Variants in ATP10A observed in about 807,000 individuals in gnomAD.
ATP10A encodes phospholipid-transporting ATPase VA.
ATP10A carries 111 observed loss-of-function variants against 147.8 expected under a neutral mutation model. That is an observed-to-expected ratio of 0.75 (90% confidence interval 0.64 to 0.88). The LOEUF (loss-of-function observed/expected upper bound fraction) is 0.88. Among genes scored for constraint, ATP10A ranks in the 40% least tolerant of loss-of-function variants. The pLI, the probability that ATP10A is intolerant of heterozygous loss-of-function variation, is 0.00. For missense variants in ATP10A, 1,927 were observed against 1,959.0 expected, an observed-to-expected ratio of 0.98 and a Z score of 0.31; for synonymous variants, 875 against 841.6, an observed-to-expected ratio of 1.04 and a Z score of -0.69.
intron 17 of ATP10A, 29 bp downstream of exon 17, chr15:25,683,257 T>C: frequency 6.2e-7 from 1 of 1,606,168 alleles, no homozygotes; most frequent in Non-Finnish European, 8.5e-7. Flanking sequence ...GCTCAGGAGG[T>C]GGAAGGCGGA....
chr15:25,838,330 G>A (rs911046452), intron 1 of ATP10A, among the ~76,000 whole-genome samples: 4 of 152,152 alleles, frequency 2.6e-5, no homozygotes, highest in East Asian at 3.9e-4. Context: ...CACCTGGCAC[G>A]CTAGGTGTCT....
chr15:25,718,167 G>T lies in ATP10A; in HGVS notation c.1581+15C>A. ...AGACGTGGCAGCACCCTAGCAGGAG[G>T]CCCTGTACACTCACCATGGGGCTGC... On this transcript the variant is annotated intron_variant, in intron 8 of 20. Coordinates refer to ENST00000555815, the MANE Select transcript of ATP10A (RefSeq NM_024490.4). 4 of 1,609,744 alleles carry T rather than the reference G, an allele frequency of 2.5e-6. No individual in the cohort carries two copies. Among genetic ancestry groups the T allele is most frequent in the Admixed American group, 3.3e-5 (2 of 59,948 alleles).
chr15:25,757,732 C>A (rs1474684322), intron 2 of ATP10A, among the ~76,000 whole-genome samples: 5 of 152,176 alleles, frequency 3.3e-5, no homozygotes, highest in Admixed American at 1.3e-4. Context: ...TTCTAAATTT[C>A]TTTTCAAAGA....
intron 2 of ATP10A, among the ~76,000 whole-genome samples, chr15:25,770,415 G>T (rs1268413420): frequency 6.6e-6 from 1 of 152,176 alleles, no homozygotes; most frequent in Non-Finnish European, 1.5e-5. Flanking sequence ...ACCCCAGCAG[G>T]CCAAGGGGCT....
chr15:25,785,464 T>C (rs1436263168), intron 1 of ATP10A, among the ~76,000 whole-genome samples: 1 of 152,134 alleles, frequency 6.6e-6, no homozygotes, highest in Non-Finnish European at 1.5e-5. Flanking sequence ...AGTCACCCCA[T>C]CTGTGGTCCA....
intron 1 of ATP10A, among the ~76,000 whole-genome samples, chr15:25,855,238 C>G (rs141446247): frequency 6.6e-6 from 1 of 152,228 alleles, no homozygotes; most frequent in Non-Finnish European, 1.5e-5. Context: ...CCAACACATT[C>G]TAGTCAATGG....
At chr15:25,819,963 T>A (rs1891811213) in intron 1 of ATP10A, among the ~76,000 whole-genome samples, 1 of 152,110 alleles carries the variant, frequency 6.6e-6, no homozygotes, top group African/African-American at 2.4e-5. Context: ...AGAAGTTACT[T>A]AATGTGCATT....
chr15:25,695,257 T>G, intron 13 of ATP10A, 111 bp from the exon 14 acceptor site: 741 of 900,672 alleles, frequency 8.2e-4, no homozygotes, highest in Non-Finnish European at 1.1e-3. Context: ...CAGGCTGCAG[T>G]ACCCGCCTGC....
rs2140707856 is a variant in ATP10A, at chr15:25,781,198, A to G, written c.475T>C (p.Phe159Leu). 1 of 1,614,050 alleles carries G rather than the reference A, an allele frequency of 6.2e-7. No homozygotes were observed. Among genetic ancestry groups the G allele is most frequent in the Middle Eastern group, 1.6e-4 (1 of 6,062 alleles). ...SREEKKYVNR[F>L]WKEIHVGDFV... ...TCTCCCACGTGGATTTCTTTCCAGA[A>G]TCGGTTCACGTATTTCTTTTCTTCC... Residue 159 changes from phenylalanine to leucine, a missense_variant, in exon 2 of 21, where the codon TTC becomes CTC. Transcript: ENST00000555815.
intron 1 of ATP10A, among the ~76,000 whole-genome samples, chr15:25,802,352 C>T (rs943778391): frequency 3.9e-5 from 6 of 152,144 alleles, no homozygotes; most frequent in Non-Finnish European, 5.9e-5. Flanking sequence ...TGTTGATAAA[C>T]GTCCAGCAGG....
intron 1 of ATP10A, among the ~76,000 whole-genome samples, chr15:25,806,118 A>G (rs1891167460): frequency 6.6e-6 from 1 of 152,124 alleles, no homozygotes; most frequent in Non-Finnish European, 1.5e-5. Flanking sequence ...GTTTTTTTCT[A>G]ACAAAAGTTA....
intron 1 of ATP10A, among the ~76,000 whole-genome samples, chr15:25,859,616 G>A (rs527554512): frequency 7.9e-5 from 12 of 152,032 alleles, no homozygotes; most frequent in East Asian, 3.9e-4. Flanking sequence ...CCTGCTGAGC[G>A]TGGCTCAAGA....
intron 2 of ATP10A, among the ~76,000 whole-genome samples, chr15:25,753,693 G>A (rs369301579): frequency 8.6e-5 from 13 of 150,580 alleles, no homozygotes; most frequent in African/African-American, 3.2e-4. Flanking sequence ...CCCCACCTGT[G>A]GCTAGCATAA....
intron 9 of ATP10A, among the ~76,000 whole-genome samples, chr15:25,715,836 C>A (rs1901763594): frequency 6.6e-6 from 1 of 152,176 alleles, no homozygotes. Context: ...GGGAAGGGAT[C>A]CTGGGAGAGT....
intron 1 of ATP10A, among the ~76,000 whole-genome samples, chr15:25,801,180 G>A (rs1278468029): frequency 6.6e-6 from 1 of 152,130 alleles, no homozygotes; most frequent in African/African-American, 2.4e-5. Flanking sequence ...TGGAATTTGA[G>A]GACATGTGCT....
chr15:25,823,551 A>G (rs1219369033), intron 1 of ATP10A, among the ~76,000 whole-genome samples: 1 of 152,210 alleles, frequency 6.6e-6, no homozygotes, highest in Non-Finnish European at 1.5e-5. Context: ...TGTATTTCAA[A>G]TGCTAAGATT....
At chr15:25,768,369 C>T (rs1347673574) in intron 2 of ATP10A, among the ~76,000 whole-genome samples, 7 of 152,080 alleles carry the variant, frequency 4.6e-5, no homozygotes, top group African/African-American at 1.4e-4. Flanking sequence ...AAAAGCAGTG[C>T]TTCCTGATTC....
intron 1 of ATP10A, among the ~76,000 whole-genome samples, chr15:25,823,261 A>G (rs1211265257): frequency 6.6e-6 from 1 of 152,232 alleles, no homozygotes; most frequent in Non-Finnish European, 1.5e-5. Flanking sequence ...ATTACACATT[A>G]GCAACAGTAT....
At chr15:25,740,831 C>CA (rs1248958700) in intron 2 of ATP10A, among the ~76,000 whole-genome samples, 2 of 152,196 alleles carry the variant, frequency 1.3e-5, no homozygotes, top group Non-Finnish European at 2.9e-5. Context: ...CTACAGAATG[C>CA]AATCCTCATC....
Sources: gnomAD v4.1 joint callset for allele counts (sites outside exome capture counted in the v4.1 genomes callset) on GRCh38, gnomAD v4.1.1 for gene constraint, MANE v1.5 for transcripts, NCBI Gene and HGNC (gene_info 2026-07-23, HGNC 2026-07-21) for gene names.